OSBPL9: variants seen among roughly 807,000 people sequenced by gnomAD.
OSBPL9 encodes the protein oxysterol binding protein like 9.
Under a neutral mutation model 106.6 loss-of-function variants are expected in OSBPL9, and 40 were observed. The ratio of observed to expected loss-of-function variants is 0.38; its 90% confidence interval spans 0.29 to 0.49. The LOEUF (loss-of-function observed/expected upper bound fraction) is 0.49, where lower values mean the gene tolerates loss of function less well. Ranked by LOEUF, OSBPL9 falls within the 20% of genes least tolerant of loss-of-function variation. OSBPL9 has a pLI of 0.97. For synonymous variants in OSBPL9, 269 were observed against 295.4 expected (o/e 0.91, Z 0.92); for missense variants, 609 against 887.2 (o/e 0.69, Z 3.98).
At chr1:51,539,797 C>T in the OSBPL9 span, among the ~76,000 whole-genome samples, 6 of 152,144 alleles carry the variant, frequency 3.9e-5, no homozygotes, top group African/African-American at 1.4e-4. Flanking sequence ...GCTTATCTGC[C>T]ACACTATGCT....
At chr1:51,743,730 CCAAA>C (rs1438482173) in intron 4 of OSBPL9, among the ~76,000 whole-genome samples, 3 of 152,060 alleles carry the variant, frequency 2.0e-5, no homozygotes, top group African/African-American at 7.2e-5. Context: ...AAAAAACAAG[CCAAA>C]CAGTCCTGAT....
intron 2 of OSBPL9, among the ~76,000 whole-genome samples, chr1:51,604,059 G>A (rs1340666745): frequency 3.3e-5 from 5 of 152,122 alleles, no homozygotes. Flanking sequence ...AGCTTGCTCT[G>A]TGCACAGGCC....
At chr1:51,741,678 A>G (rs1666955643) in intron 4 of OSBPL9, among the ~76,000 whole-genome samples, 1 of 151,476 alleles carries the variant, frequency 6.6e-6, no homozygotes, top group African/African-American at 2.4e-5. Flanking sequence ...TCACCACAGA[A>G]GTGGTTTTTC....
chr1:51,749,135 T>C (rs957429027), intron 7 of OSBPL9, among the ~76,000 whole-genome samples: 2 of 152,162 alleles, frequency 1.3e-5, no homozygotes, highest in Middle Eastern at 3.4e-3. Flanking sequence ...TGCAGCTGGC[T>C]TCTTTCTTAT....
At chr1:51,530,170 CAAAA>C in the OSBPL9 span, among the ~76,000 whole-genome samples, 3 of 11,036 alleles carry the variant, frequency 2.7e-4, no homozygotes, top group African/African-American at 4.7e-4. Flanking sequence ...GACTCTGTCT[CAAAA>C]AAAAAAAAAA....
At chr1:51,518,577 G>A in the OSBPL9 span, 1 of 152,796 alleles carries the variant, frequency 6.5e-6, no homozygotes. Context: ...CCGGCAGAGT[G>A]GGTAGTTGAG....
At chr1:51,525,500 A>C in the OSBPL9 span, among the ~76,000 whole-genome samples, 1 of 152,128 alleles carries the variant, frequency 6.6e-6, no homozygotes, top group Non-Finnish European at 1.5e-5. Flanking sequence ...CTCACATTAT[A>C]GCACAAATAG....
Position 51,652,016 on chromosome 1 carries a change from C to T in OSBPL9, c.137C>T (p.Ser46Phe). 6.2e-7 allele frequency: 1 copy of T among 1,609,562 alleles called. No homozygotes were observed. The highest frequency in any genetic ancestry group is 8.5e-7 in the Non-Finnish European group (1 of 1,177,916). The change falls in exon 2 of 24, where the codon TCT becomes TTT. Residue 46 changes from serine to phenylalanine, a missense_variant. Transcript: ENST00000428468. ...YTSKDKMMRG[S>F]RRGCVRLRGA... ...TCCAAGGACAAAATGATGAGAGGCTCTCGCAGAGGATGTGTTAGACTCAGA... is the reference window on the plus strand; with the variant it reads ...TCCAAGGACAAAATGATGAGAGGCTTTCGCAGAGGATGTGTTAGACTCAGA...
intron 7 of OSBPL9, among the ~76,000 whole-genome samples, chr1:51,749,747 G>T (rs79304353): frequency 0.057 from 8,698 of 151,450 alleles, 345 homozygotes; most frequent in Middle Eastern, 0.14. Context: ...TGTGCATGTA[G>T]TGCCAGCTAC....
At chr1:51,560,720 T>G in the OSBPL9 span, among the ~76,000 whole-genome samples, 3 of 152,110 alleles carry the variant, frequency 2.0e-5, no homozygotes, top group Non-Finnish European at 4.4e-5. Flanking sequence ...GGCGTATTGG[T>G]CCCCTCCTTT....
chr1:51,620,731 T>G (rs1480308065), intron 1 of OSBPL9, among the ~76,000 whole-genome samples: 1 of 152,216 alleles, frequency 6.6e-6, no homozygotes. Context: ...AATGAAAGGC[T>G]TTCTTGGCAA....
At chr1:51,553,837 C>A in the OSBPL9 span, among the ~76,000 whole-genome samples, 1 of 152,170 alleles carries the variant, frequency 6.6e-6, no homozygotes, top group Admixed American at 6.5e-5. Context: ...CGCCACCACA[C>A]CTGGCTAATT....
intron 3 of OSBPL9, among the ~76,000 whole-genome samples, chr1:51,694,337 C>G (rs1655590834): frequency 6.6e-6 from 1 of 152,152 alleles, no homozygotes; most frequent in Non-Finnish European, 1.5e-5. Context: ...TAATAGAAGA[C>G]AGCTGGATTC....
chr1:51,539,463 C>A, the OSBPL9 span, among the ~76,000 whole-genome samples: 1 of 152,288 alleles, frequency 6.6e-6, no homozygotes, highest in East Asian at 1.9e-4. Context: ...CATAACTGGC[C>A]TCCCCTCACC....
At chr1:51,710,710 TG>T (rs1233654646) in intron 3 of OSBPL9, among the ~76,000 whole-genome samples, 5 of 152,254 alleles carry the variant, frequency 3.3e-5, no homozygotes, top group Non-Finnish European at 1.5e-5. Flanking sequence ...TGGTTCTCAT[TG>T]TTTCTTTTGA....
At chr1:51,535,133 TC>T in the OSBPL9 span, among the ~76,000 whole-genome samples, 8 of 152,242 alleles carry the variant, frequency 5.3e-5, no homozygotes, top group Non-Finnish European at 7.3e-5. Context: ...TTTGTTTTCT[TC>T]CAGCAGCCAA....
At chr1:51,527,079 G>A in the OSBPL9 span, among the ~76,000 whole-genome samples, 5 of 151,914 alleles carry the variant, frequency 3.3e-5, no homozygotes, top group Non-Finnish European at 7.4e-5. Flanking sequence ...TATACGCTAG[G>A]ACCCCTAACA....
the OSBPL9 span, among the ~76,000 whole-genome samples, chr1:51,571,921 C>T: frequency 6.6e-6 from 1 of 152,114 alleles, no homozygotes; most frequent in Non-Finnish European, 1.5e-5. Flanking sequence ...TCCAATGAAC[C>T]TGAGTGGGAT....
chr1:51,568,957 C>A, the OSBPL9 span, among the ~76,000 whole-genome samples: 22 of 152,274 alleles, frequency 1.4e-4, no homozygotes, highest in South Asian at 4.6e-3. Context: ...AAGTGATCTA[C>A]CCGCCTCAGC....
Sources: allele counts gnomAD v4.1 joint callset (sites outside exome capture counted in the v4.1 genomes callset), GRCh38; gene constraint gnomAD v4.1.1; transcripts MANE v1.5; gene names NCBI Gene and HGNC (gene_info 2026-07-23, HGNC 2026-07-21).